Variants in LEF1 observed in about 807,000 individuals in gnomAD.
LEF1 encodes the protein lymphoid enhancer binding factor 1.
LEF1 carries 14 observed loss-of-function variants against 51.2 expected under a neutral mutation model. The ratio of observed to expected loss-of-function variants is 0.27; its 90% confidence interval spans 0.18 to 0.43. The LOEUF is 0.43. LEF1 is among the 20% of genes least tolerant of loss of function. The pLI is 1.00. For missense variants in LEF1, 386 were observed against 512.0 expected (o/e 0.75, Z 2.37); for synonymous variants, 185 against 183.2 (o/e 1.01, Z -0.08).
chr4:108,089,313 C>T, intron 3 of LEF1, 56 bp from the exon 4 acceptor site: 1 of 1,567,560 alleles, frequency 6.4e-7, no homozygotes, highest in Admixed American at 2.0e-5. Flanking sequence ...CCAGTCTTTT[C>T]TCCCAAAGAA....
At chr4:108,064,215 C>A in intron 10 of LEF1, 121 bp downstream of exon 10, 1 of 594,132 alleles carries the variant, frequency 1.7e-6, no homozygotes, top group Non-Finnish European at 3.0e-6. Context: ...GAAGAAAAAG[C>A]AGAGTTAAAG....
intron 11 of LEF1, among the ~76,000 whole-genome samples, chr4:108,057,156 G>A (rs1026089474): frequency 6.6e-6 from 1 of 152,014 alleles, no homozygotes; most frequent in African/African-American, 2.4e-5. Context: ...TCTAGCTGAG[G>A]TGCTTTCTAA....
chr4:108,080,648 A>C (rs1243162909), intron 6 of LEF1, among the ~76,000 whole-genome samples: 2 of 152,220 alleles, frequency 1.3e-5, no homozygotes, highest in African/African-American at 2.4e-5. Flanking sequence ...GATAGTTCTT[A>C]CAATGTTAAA....
chr4:108,089,002 T>C (rs1739830309), intron 4 of LEF1, 123 bp downstream of exon 4: 2 of 1,091,876 alleles, frequency 1.8e-6, no homozygotes, highest in Admixed American at 2.1e-5. Flanking sequence ...TCTTGTCTTG[T>C]AAAAACACAT....
chr4:108,078,147 T>G, intron 8 of LEF1, 73 bp downstream of exon 8: 1 of 1,438,518 alleles, frequency 7.0e-7, no homozygotes, highest in Non-Finnish European at 9.6e-7. Flanking sequence ...TGATATGGGA[T>G]TAAATTGGGG....
At chr4:108,130,516 T>C (rs1742804188) in intron 3 of LEF1, among the ~76,000 whole-genome samples, 1 of 149,442 alleles carries the variant, frequency 6.7e-6, no homozygotes, top group African/African-American at 2.5e-5. Context: ...GGTCAGGAGT[T>C]CAAGACCAGC....
intron 11 of LEF1, among the ~76,000 whole-genome samples, chr4:108,057,257 C>T (rs573218723): frequency 1.3e-5 from 2 of 152,116 alleles, no homozygotes; most frequent in African/African-American, 2.4e-5. Context: ...GAGACTTGGA[C>T]AAGACTTAAG....
intron 11 of LEF1, among the ~76,000 whole-genome samples, chr4:108,060,679 C>A (rs1737621250): frequency 6.6e-6 from 1 of 152,088 alleles, no homozygotes; most frequent in Non-Finnish European, 1.5e-5. Context: ...TCCTGACAAT[C>A]CAATCTAAAA....
intron 8 of LEF1, 128 bp from the exon 9 acceptor site, chr4:108,070,898 G>T: frequency 1.5e-6 from 1 of 680,394 alleles, no homozygotes; most frequent in South Asian, 2.0e-5. Context: ...AATTGCAGAA[G>T]ACCAAGTGCC....
chr4:108,062,119 G>A (rs1457035125), intron 11 of LEF1, among the ~76,000 whole-genome samples: 1 of 152,148 alleles, frequency 6.6e-6, no homozygotes, highest in Non-Finnish European at 1.5e-5. Context: ...TTCCAGGTAA[G>A]GAAAATGAAG....
intron 8 of LEF1, chr4:108,072,113 T>A (rs1193466292): frequency 1.3e-5 from 2 of 152,244 alleles, no homozygotes; most frequent in Non-Finnish European, 2.9e-5. Flanking sequence ...GCTATGAGAT[T>A]CTTTCCCATT....
At chr4:108,083,305 G>A in intron 5 of LEF1, 51 bp downstream of exon 5, 1 of 1,201,868 alleles carries the variant, frequency 8.3e-7, no homozygotes, top group Non-Finnish European at 1.2e-6. Context: ...AATGGAAAGT[G>A]GAGGAACATG....
chr4:108,078,887 C>A (rs1268557475), intron 7 of LEF1, among the ~76,000 whole-genome samples: 1 of 152,112 alleles, frequency 6.6e-6, no homozygotes, highest in Non-Finnish European at 1.5e-5. Context: ...TGCATACATT[C>A]GCAAGGGCTT....
At chr4:108,096,874 T>A (rs7678072) in intron 3 of LEF1, among the ~76,000 whole-genome samples, 5,719 of 152,142 alleles carry the variant, frequency 0.038, 361 homozygotes, top group African/African-American at 0.13. Flanking sequence ...GAAATGCAAA[T>A]CAAAACTACC....
At chr4:108,090,904 T>G (rs1297476313) in intron 3 of LEF1, among the ~76,000 whole-genome samples, 1 of 152,188 alleles carries the variant, frequency 6.6e-6, no homozygotes, top group Admixed American at 6.5e-5. Flanking sequence ...ATTATATACC[T>G]GTTAAAGGTG....
At chr4:108,064,659 AC>A (rs1560761710) in intron 9 of LEF1, among the ~76,000 whole-genome samples, 2 of 7,850 alleles carry the variant, frequency 2.5e-4, no homozygotes, top group Non-Finnish European at 6.4e-4. Flanking sequence ...TCTCACTCAC[AC>A]ACACACACAC....
At chr4:108,131,397 A>AG in intron 3 of LEF1, among the ~76,000 whole-genome samples, 1 of 152,260 alleles carries the variant, frequency 6.6e-6, no homozygotes, top group East Asian at 1.9e-4. Context: ...CTAAAAAAAA[A>AG]AAAAAAAATG....
At chr4:108,096,830 T>A (rs1389504093) in intron 3 of LEF1, among the ~76,000 whole-genome samples, 1 of 152,192 alleles carries the variant, frequency 6.6e-6, no homozygotes, top group Non-Finnish European at 1.5e-5. Flanking sequence ...CAAACAGGTA[T>A]ATGAAAAGGT....
intron 3 of LEF1, among the ~76,000 whole-genome samples, chr4:108,118,022 G>A (rs1011448096): frequency 6.6e-6 from 1 of 152,166 alleles, no homozygotes; most frequent in Non-Finnish European, 1.5e-5. Context: ...TGACTACTCT[G>A]TGAGATTGCT....
Sources: gnomAD v4.1 joint callset for allele counts (sites outside exome capture counted in the v4.1 genomes callset) on GRCh38, gnomAD v4.1.1 for gene constraint, MANE v1.5 for transcripts, NCBI Gene and HGNC (gene_info 2026-07-23, HGNC 2026-07-21) for gene names.